ZCWPW2: variants seen among roughly 807,000 people sequenced by gnomAD.
ZCWPW2 encodes the protein zinc finger CW-type PWWP domain protein 2.
A neutral mutation model predicts 46.6 loss-of-function variants in ZCWPW2; 45 were observed. The observed-to-expected ratio is 0.96, with a 90% confidence interval of 0.76 to 1.24. ZCWPW2 has a LOEUF of 1.24. Among genes scored for constraint, ZCWPW2 ranks in the 50% most tolerant of loss-of-function variants. The pLI is 0.00. For missense variants in ZCWPW2, 429 were observed against 403.9 expected (o/e 1.06, Z -0.53); for synonymous variants, 152 against 137.1 (o/e 1.11, Z -0.76).
intron 4 of ZCWPW2, among the ~76,000 whole-genome samples, chr3:28,451,220 A>T (rs1698212922): frequency 6.6e-6 from 1 of 152,224 alleles, no homozygotes; most frequent in African/African-American, 2.4e-5. Context: ...TATGTAGGCT[A>T]AAGATAGGTA....
intron 1 of ZCWPW2, among the ~76,000 whole-genome samples, chr3:28,364,505 GTTC>G (rs1457873383): frequency 1.3e-5 from 2 of 151,948 alleles, no homozygotes; most frequent in African/African-American, 4.8e-5. Flanking sequence ...TCAAATGGTA[GTTC>G]TTCTTTTAGT....
intron 2 of ZCWPW2, chr3:28,398,172 C>T (rs1479730155): frequency 1.3e-5 from 2 of 152,222 alleles, no homozygotes; most frequent in African/African-American, 2.4e-5. Context: ...TGATGGGGGA[C>T]TGCTTCCTGG....
chr3:28,447,360 C>A lies in ZCWPW2; in HGVS notation c.492+12091C>A, dbSNP rs143812436. 3.3e-4 allele frequency among the ~76,000 whole-genome samples: 50 copies of A among 151,582 alleles called. 1 individual carries two copies. The highest frequency in any genetic ancestry group is 1.1e-3 in the African/African-American group (46 of 41,332). On this transcript the variant is annotated intron_variant, in intron 4 of 9. Coordinates refer to ENST00000383768, the MANE Select transcript of ZCWPW2 (RefSeq NM_001040432.4). The stretch of plus-strand genomic sequence containing the variant: ...TAAGAATAGTTCAATATATAAAAAT[C>A]AACTAATGTAATACACCACATTACC...
intron 9 of ZCWPW2, among the ~76,000 whole-genome samples, chr3:28,524,191 G>T (rs1700795789): frequency 6.6e-6 from 1 of 151,738 alleles, no homozygotes; most frequent in Non-Finnish European, 1.5e-5. Context: ...GACTAAAACA[G>T]TCACATTTTA....
chr3:28,447,985 C>A, intron 4 of ZCWPW2: 2 of 513,844 alleles, frequency 3.9e-6, no homozygotes, highest in Non-Finnish European at 3.6e-6. Flanking sequence ...TAAATGTTTT[C>A]ATGACAGGAT....
intron 3 of ZCWPW2, chr3:28,428,234 A>G (rs1218860262): frequency 6.6e-6 from 1 of 152,312 alleles, no homozygotes; most frequent in Non-Finnish European, 1.5e-5. Flanking sequence ...TGACGCTACA[A>G]TTGACTTTCT....
chr3:28,357,801 A>ATATG (rs1325866583), intron 1 of ZCWPW2, among the ~76,000 whole-genome samples: 1 of 146,546 alleles, frequency 6.8e-6, no homozygotes, highest in African/African-American at 2.5e-5. Context: ...TATATTTTAT[A>ATATG]TATATATATA....
intron 1 of ZCWPW2, among the ~76,000 whole-genome samples, chr3:28,379,252 A>T (rs1417474980): frequency 1.3e-5 from 2 of 152,216 alleles, no homozygotes; most frequent in African/African-American, 4.8e-5. Context: ...AGTGATGGAG[A>T]TATCCTTGTA....
chr3:28,414,091 G>C (rs1242567326), intron 3 of ZCWPW2, among the ~76,000 whole-genome samples: 2 of 151,736 alleles, frequency 1.3e-5, no homozygotes, highest in African/African-American at 4.8e-5. Flanking sequence ...TATTATATTT[G>C]TTCTGTTGCA....
chr3:28,459,379 A>G (rs191959082), intron 4 of ZCWPW2, among the ~76,000 whole-genome samples: 1 of 152,030 alleles, frequency 6.6e-6, no homozygotes, highest in African/African-American at 2.4e-5. Context: ...CCAAAGAAAA[A>G]AAAAAACAAA....
intron 4 of ZCWPW2, among the ~76,000 whole-genome samples, chr3:28,458,784 C>T (rs977373107): frequency 1.3e-5 from 2 of 152,176 alleles, no homozygotes; most frequent in Non-Finnish European, 2.9e-5. Flanking sequence ...TTAGCTTAAC[C>T]TTTAACCAGG....
Position 28,453,833 on chromosome 3 carries a change from TTTTA to T in ZCWPW2, c.492+18568_492+18571del, listed in dbSNP as rs1243895802. Among the ~76,000 whole-genome samples the T allele has an allele frequency of 6.4e-3, 921 of 143,232 alleles. 6 individuals carry two copies. Among genetic ancestry groups the T allele is most frequent in the African/African-American group, 0.023 (832 of 36,740 alleles). 94.0% of individuals were successfully genotyped at this position (143,232 alleles called of 152,430 possible). On this transcript the variant is annotated intron_variant, in intron 4 of 9. Coordinates refer to ENST00000383768, the MANE Select transcript of ZCWPW2 (RefSeq NM_001040432.4). Reference sequence around the variant, plus strand: ...TTTATTTATTTATTTATTTATTTATTTTTATTTTTTTTATTATTATTTTTTTTTT... The same window carrying T: ...TTTATTTATTTATTTATTTATTTATTTTTTTTTTATTATTATTTTTTTTTT...
intron 1 of ZCWPW2, among the ~76,000 whole-genome samples, chr3:28,366,350 T>C (rs553170039): frequency 8.0e-4 from 83 of 103,874 alleles, no homozygotes; most frequent in Middle Eastern, 3.9e-3. Context: ...GTTTTTAGCA[T>C]GAAGGGTTGT....
intron 6 of ZCWPW2, among the ~76,000 whole-genome samples, chr3:28,498,833 T>C (rs531119022): frequency 8.5e-5 from 13 of 152,068 alleles, no homozygotes; most frequent in African/African-American, 2.9e-4. Flanking sequence ...CAGTGTGTGA[T>C]GTTCCCCTCC....
At chr3:28,412,397 T>C (rs766468687) in intron 2 of ZCWPW2, among the ~76,000 whole-genome samples, 1 of 152,026 alleles carries the variant, frequency 6.6e-6, no homozygotes, top group African/African-American at 2.4e-5. Flanking sequence ...TCTTGCATTT[T>C]TGTATGTTGA....
At chr3:28,441,492 G>A (rs563209248) in intron 4 of ZCWPW2, among the ~76,000 whole-genome samples, 8 of 152,298 alleles carry the variant, frequency 5.3e-5, no homozygotes, top group Admixed American at 2.0e-4. Context: ...CCTAGAAAGA[G>A]GCTGTAGTGC....
In ZCWPW2 at chr3:28,354,078, T is replaced by G. The variant is rs140787570; in HGVS notation, c.-134+4875T>G. On this transcript the variant is annotated intron_variant, in intron 1 of 9. Transcript: ENST00000383768. ...AATAGGCAAAATGGCTTTTTTAAAG[T>G]ACAAGGAGGTAAAACGTATTAGAGA... is the stretch of plus-strand genomic sequence containing the variant. Among the ~76,000 whole-genome samples the G allele has an allele frequency of 5.9e-3, 893 of 152,150 alleles. 8 individuals carry two copies. The highest frequency in any genetic ancestry group is 0.01 in the Middle Eastern group (3 of 294).
At position 28,471,546 on chromosome 3, in the gene ZCWPW2, G is replaced by A. The variant is rs547719753; in HGVS notation, c.493-7268G>A. ...CTAAAAATGAATTTGATAAAATTCA[G>A]CATCCCTTTATGATAAAAACCTCAC... On this transcript the variant is annotated intron_variant, in intron 4 of 9. Transcript: ENST00000383768. 4.2e-4 allele frequency among the ~76,000 whole-genome samples: 64 copies of A among 152,166 alleles called. 1 individual carries two copies. The highest frequency in any genetic ancestry group is 1.5e-3 in the African/African-American group (63 of 41,516).
intron 3 of ZCWPW2, among the ~76,000 whole-genome samples, chr3:28,422,791 T>C (rs1372212807): frequency 6.6e-6 from 1 of 152,072 alleles, no homozygotes; most frequent in African/African-American, 2.4e-5. Context: ...GTGTTTTTTT[T>C]TAAGAAAATG....
Sources: gnomAD v4.1 joint callset for allele counts (sites outside exome capture counted in the v4.1 genomes callset) on GRCh38, gnomAD v4.1.1 for gene constraint, MANE v1.5 for transcripts, NCBI Gene and HGNC (gene_info 2026-07-23, HGNC 2026-07-21) for gene names.